The following PRKN variants were observed in gnomAD, a reference collection of about 807,000 sequenced individuals.
PRKN encodes E3 ubiquitin-protein ligase parkin.
In PRKN, 56 loss-of-function variants were observed where a neutral mutation model predicts 59.5. That is an observed-to-expected ratio of 0.94 (90% CI 0.76 to 1.18). The LOEUF is 1.18. Ranked by LOEUF, PRKN falls within the 50% of genes most tolerant of loss-of-function variation. PRKN has a pLI of 0.00. For missense variants in PRKN, 657 were observed against 596.4 expected (o/e 1.10, Z -1.06); for synonymous variants, 250 against 222.1 (o/e 1.13, Z -1.12).
intron 2 of PRKN, among the ~76,000 whole-genome samples, chr6:162,387,992 G>A (rs1786943213): frequency 6.6e-6 from 1 of 152,262 alleles, no homozygotes; most frequent in East Asian, 1.9e-4. Context: ...TAAAACACAC[G>A]GTCTCGTGGG....
rs1044639377 is a variant in PRKN, at chr6:161,578,490, T to A, written c.872-9074A>T. Among the ~76,000 whole-genome samples the A allele has an allele frequency of 6.6e-6, 1 of 152,368 alleles. No individual in the cohort carries two copies. The highest frequency in any genetic ancestry group is 2.4e-5 in the African/African-American group (1 of 41,600). On this transcript the variant is annotated intron_variant, in intron 7 of 11. Coordinates refer to ENST00000366898, the MANE Select transcript of PRKN (RefSeq NM_004562.3). This position sits in a 1 kb window ranked among gnomAD's most constrained non-coding sequence, Gnocchi z 4.2. ...CTTGTATAAGACAACAGTTTCCTTA[T>A]GAAGGCTTCCTTAGGACTTTGTCTC...
intron 9 of PRKN, among the ~76,000 whole-genome samples, chr6:161,441,894 GC>G (rs910663218): frequency 3.2e-4 from 49 of 152,124 alleles, no homozygotes; most frequent in Non-Finnish European, 4.9e-4. Context: ...AGAGCGTCTG[GC>G]GGCTGGCAAA....
chr6:162,442,151 A>C (rs1400167335), intron 2 of PRKN, among the ~76,000 whole-genome samples: 2 of 152,200 alleles, frequency 1.3e-5, no homozygotes, highest in African/African-American at 4.8e-5. Context: ...GAATGACAGG[A>C]ACAATTTGCA....
chr6:161,680,666 CTGTT>C (rs960433194), intron 7 of PRKN, among the ~76,000 whole-genome samples: 4 of 146,588 alleles, frequency 2.7e-5, no homozygotes, highest in African/African-American at 1.0e-4. Context: ...AAGCCTGTCT[CTGTT>C]TGCCACTGCA....
chr6:161,582,648 C>G lies in PRKN; in HGVS notation c.872-13232G>C, dbSNP rs1017355318. Reference sequence around the variant, plus strand: ...TTCACCATGTTAGCCAGGATGGTCTCGATCTGCTGACCTCGTGATCTGCCC... The same window carrying G: ...TTCACCATGTTAGCCAGGATGGTCTGGATCTGCTGACCTCGTGATCTGCCC... On this transcript the variant is annotated intron_variant, in intron 7 of 11. Coordinates refer to ENST00000366898, the MANE Select transcript of PRKN (RefSeq NM_004562.3). This position sits in a 1 kb window ranked among gnomAD's most constrained non-coding sequence, Gnocchi z 4.4. Among the ~76,000 whole-genome samples the G allele has an allele frequency of 6.6e-6, 1 of 152,014 alleles. No individual in the cohort carries two copies. The highest frequency in any genetic ancestry group is 6.5e-5 in the Admixed American group (1 of 15,270).
At chr6:161,605,074 CTATTT>C (rs1375321799) in intron 7 of PRKN, among the ~76,000 whole-genome samples, 3 of 152,080 alleles carry the variant, frequency 2.0e-5, no homozygotes, top group Non-Finnish European at 4.4e-5. Context: ...AATTTATATT[CTATTT>C]TATTCTATAT....
intron 1 of PRKN, among the ~76,000 whole-genome samples, chr6:162,486,165 T>C (rs533842455): frequency 1.3e-5 from 2 of 152,360 alleles, no homozygotes; most frequent in South Asian, 2.1e-4. Flanking sequence ...GTGCTGTTAA[T>C]ATTTTGGTGT....
intron 7 of PRKN, among the ~76,000 whole-genome samples, chr6:161,597,436 T>A (rs1230548386): frequency 6.6e-6 from 1 of 152,196 alleles, no homozygotes; most frequent in Admixed American, 6.5e-5. Context: ...ATGGTGAACA[T>A]GCCTTGGAAT....
At chr6:161,972,370 G>A (rs1027126087) in intron 6 of PRKN, among the ~76,000 whole-genome samples, 86 of 151,878 alleles carry the variant, frequency 5.7e-4, no homozygotes, top group African/African-American at 2.0e-3. Flanking sequence ...AACATGTAAC[G>A]AAGCTAATTT....
intron 4 of PRKN, among the ~76,000 whole-genome samples, chr6:162,073,901 T>A (rs1257283756): frequency 6.6e-6 from 1 of 152,162 alleles, no homozygotes; most frequent in Non-Finnish European, 1.5e-5. Context: ...AAAAGTCACA[T>A]GGAGAAATGC....
chr6:161,861,518 A>G (rs755943904), intron 6 of PRKN, among the ~76,000 whole-genome samples: 1 of 151,912 alleles, frequency 6.6e-6, no homozygotes, highest in Non-Finnish European at 1.5e-5. Flanking sequence ...GGTGCAGCAA[A>G]CCACCATGGC....
At chr6:162,085,898 C>T (rs1236202529) in intron 4 of PRKN, among the ~76,000 whole-genome samples, 1 of 152,086 alleles carries the variant, frequency 6.6e-6, no homozygotes, top group African/African-American at 2.4e-5. Context: ...ACAGGGGAAG[C>T]AACATAAAGT....
chr6:162,318,723 T>C (rs991531869), intron 2 of PRKN, among the ~76,000 whole-genome samples: 1 of 152,048 alleles, frequency 6.6e-6, no homozygotes, highest in Non-Finnish European at 1.5e-5. Context: ...ACTGAGCTTA[T>C]TGGCGTGATT....
At chr6:161,845,320 A>G (rs1048503439) in intron 6 of PRKN, among the ~76,000 whole-genome samples, 6 of 152,130 alleles carry the variant, frequency 3.9e-5, no homozygotes, top group Non-Finnish European at 5.9e-5. Flanking sequence ...CCCTACAAAT[A>G]TCATCACTGT....
intron 2 of PRKN, among the ~76,000 whole-genome samples, chr6:162,379,472 A>C (rs4709603): frequency 0.095 from 14,523 of 152,216 alleles, 1,208 homozygotes; most frequent in East Asian, 0.45. Context: ...TCTACCCCTC[A>C]AGACTAAATA....
Position 162,054,137 on chromosome 6 carries a change from C to A in PRKN, c.572G>T (p.Arg191Leu). The change falls in exon 5 of 12, where the codon CGG becomes CTG. Residue 191 changes from arginine (R) to leucine (L), a missense_variant. Coordinates refer to ENST00000366898, the MANE Select transcript of PRKN (RefSeq NM_004562.3). The stretch of plus-strand genomic sequence containing the variant: ...TGGGGATTGGCATTCACCACTCATC[C>A]GGTTTGGAATTAAAACATCATCCCA... ...SCWDDVLIPN[R>L]MSGECQSPHC... 1 of 1,613,540 alleles carries A rather than the reference C, an allele frequency of 6.2e-7. No homozygotes were observed. Among genetic ancestry groups the A allele is most frequent in the Non-Finnish European group, 8.5e-7 (1 of 1,179,538 alleles).
intron 3 of PRKN, among the ~76,000 whole-genome samples, chr6:162,253,884 C>A (rs73596295): frequency 2.8e-4 from 43 of 152,086 alleles, no homozygotes; most frequent in African/African-American, 1.0e-3. Context: ...TTTAAAATAA[C>A]CACTCAGGCC....
At chr6:161,825,895 G>C (rs1241712849) in intron 6 of PRKN, among the ~76,000 whole-genome samples, 1 of 152,278 alleles carries the variant, frequency 6.6e-6, no homozygotes, top group East Asian at 1.9e-4. Context: ...AGGACCAACT[G>C]TGGCTCTTTA....
intron 1 of PRKN, among the ~76,000 whole-genome samples, chr6:162,489,221 C>T (rs973631528): frequency 3.9e-5 from 6 of 152,118 alleles, no homozygotes; most frequent in Non-Finnish European, 8.8e-5. Context: ...CTCCAATGCA[C>T]AAAAATTCAG....
Sources: allele counts gnomAD v4.1 joint callset (sites outside exome capture counted in the v4.1 genomes callset), GRCh38; gene constraint gnomAD v4.1.1; non-coding constraint Gnocchi (gnomAD v3.1); transcripts MANE v1.5; gene names NCBI Gene and HGNC (gene_info 2026-07-23, HGNC 2026-07-21).